The following UACA variants were observed in gnomAD, a reference collection of about 807,000 sequenced individuals.
The protein encoded by UACA is uveal autoantigen with coiled-coil domains and ankyrin repeats.
A neutral mutation model predicts 160.5 loss-of-function variants in UACA; 112 were observed. The observed-to-expected ratio is 0.70, with a 90% CI of 0.60 to 0.82. UACA has a LOEUF of 0.82. Ranked by LOEUF, UACA falls within the 40% of genes least tolerant of loss-of-function variation. The pLI, the probability that UACA is intolerant of heterozygous loss-of-function variation, is 0.00. For synonymous variants in UACA, 557 were observed against 568.4 expected, an observed-to-expected ratio of 0.98 and a Z score of 0.29; for missense variants, 1,574 against 1,614.6, an observed-to-expected ratio of 0.97 and a Z score of 0.43.
At chr15:70,755,245 C>T (rs1413059294) in intron 1 of UACA, among the ~76,000 whole-genome samples, 1 of 151,834 alleles carries the variant, frequency 6.6e-6, no homozygotes, top group Admixed American at 6.6e-5. Context: ...AAGGGAGAAG[C>T]AGAAAGATGA....
Position 70,699,378 on chromosome 15 carries a change from A to G in UACA, c.212+149T>C, listed in dbSNP as rs74021841. 2,305 of 834,298 alleles carry G rather than the reference A, an allele frequency of 2.8e-3. 45 individuals are homozygous for G. In the African/African-American group the frequency reaches 0.036, roughly 13 times the overall value. The allele number at this position is 834,298 out of a possible 1,614,324, so 51.7% of individuals were successfully genotyped here. ...CTGGAAATATTTTAAATTGAGAACA[A>G]TTATTAGTTTGTTTGAAAGATTTTA... On this transcript the variant is annotated intron_variant, in intron 2 of 18. Coordinates refer to ENST00000322954, the MANE Select transcript of UACA (RefSeq NM_018003.4).
In UACA at chr15:70,745,825, G is replaced by A. The variant is rs560105016; in HGVS notation, c.78+17505C>T. On this transcript the variant is annotated intron_variant, in intron 1 of 18. Coordinates refer to ENST00000322954, the MANE Select transcript of UACA (RefSeq NM_018003.4). ...TAACACCACACATCTACAACCATCT[G>A]ACCTTTGACAAACCTGACAAAAACA... 2.4e-4 allele frequency among the ~76,000 whole-genome samples: 6 copies of A among 25,154 alleles called. No individual in the cohort carries two copies. The East Asian group carries it at 4.1e-3, about 17-fold the overall frequency. 16.5% of individuals were successfully genotyped at this position (25,154 alleles called of 152,430 possible).
chr15:70,679,146 T>C lies in UACA; in HGVS notation c.891+462A>G, dbSNP rs1798472296. Among the ~76,000 whole-genome samples, 5 of 152,270 alleles carry C rather than the reference T, an allele frequency of 3.3e-5. No homozygotes were observed. The South Asian group carries it at 1.0e-3, about 32-fold the overall frequency. ...AGCCGGGTGTGGTGGCTCACGCTTG[T>C]AATCCCAACACTTTGGGAGGCTGAG... is the stretch of plus-strand genomic sequence containing the variant. On this transcript the variant is annotated intron_variant, in intron 10 of 18. Transcript: ENST00000322954.
chr15:70,713,073 A>C (rs920014483), intron 1 of UACA, among the ~76,000 whole-genome samples: 1 of 152,208 alleles, frequency 6.6e-6, no homozygotes, highest in African/African-American at 2.4e-5. Context: ...AGCCGGGCGC[A>C]GTGGCTCACG....
chr15:70,686,662 TA>T (rs1412943329), intron 7 of UACA, among the ~76,000 whole-genome samples: 1 of 152,044 alleles, frequency 6.6e-6, no homozygotes, highest in Non-Finnish European at 1.5e-5. Flanking sequence ...ATTACAGCTA[TA>T]AAATCTGACA....
chr15:70,739,301 T>C (rs1051067060), intron 1 of UACA, among the ~76,000 whole-genome samples: 1 of 152,174 alleles, frequency 6.6e-6, no homozygotes, highest in Non-Finnish European at 1.5e-5. Context: ...GTGAAGAGGT[T>C]GTCCTGCACA....
the UACA span, among the ~76,000 whole-genome samples, chr15:70,773,982 G>A: frequency 6.6e-6 from 1 of 152,094 alleles, no homozygotes; most frequent in Non-Finnish European, 1.5e-5. Flanking sequence ...ATGTTCCTAA[G>A]CTATAGAAGG....
intron 1 of UACA, among the ~76,000 whole-genome samples, chr15:70,729,217 C>A (rs979079008): frequency 1.3e-5 from 2 of 152,142 alleles, no homozygotes; most frequent in African/African-American, 4.8e-5. Flanking sequence ...AATCATTCCA[C>A]CCAAAAGACA....
chr15:70,729,649 C>G (rs138971927), intron 1 of UACA, among the ~76,000 whole-genome samples: 1 of 112,362 alleles, frequency 8.9e-6, no homozygotes, highest in Admixed American at 8.5e-5. Flanking sequence ...CAAGAAAAAG[C>G]TGTGGAGGGA....
At chr15:70,686,131 CT>C (rs748667477) in intron 7 of UACA, among the ~76,000 whole-genome samples, 2,485 of 138,982 alleles carry the variant, frequency 0.018, 36 homozygotes, top group African/African-American at 0.046. Flanking sequence ...TTAATCACAT[CT>C]TTTTTTTTTT....
intron 1 of UACA, among the ~76,000 whole-genome samples, chr15:70,724,970 T>C (rs1266234493): frequency 9.2e-5 from 14 of 151,842 alleles, no homozygotes; most frequent in Non-Finnish European, 2.1e-4. Flanking sequence ...AAGCACCTTG[T>C]AGTCCTAGCT....
Position 70,668,010 on chromosome 15 carries a change from C to G in UACA, c.2674G>C (p.Asp892His), listed in dbSNP as rs754528890. ...ELLDVKKKFE[D>H]INQEFVKIKD... ...ATTTTTACAAATTCCTGATTTATAT[C>G]TTCAAATTTTTTCTTCACATCTAAT... The change falls in exon 16 of 19, where the codon GAT (aspartate) becomes CAT (histidine). Residue 892 changes from aspartate to histidine, a missense_variant. Asp to His is a moderately conservative substitution (Grantham distance 81). Coordinates refer to ENST00000322954, the MANE Select transcript of UACA (RefSeq NM_018003.4). The G allele has an allele frequency of 1.2e-6, 2 of 1,603,438 alleles. No homozygotes were observed. The highest frequency in any genetic ancestry group is 8.5e-7 in the Non-Finnish European group (1 of 1,175,874).
chr15:70,688,350 G>C (rs1897804443), intron 5 of UACA, among the ~76,000 whole-genome samples: 1 of 152,046 alleles, frequency 6.6e-6, no homozygotes. Context: ...TAACACTATA[G>C]TTCATATTTA....
At chr15:70,680,637 C>T (rs963991488) in intron 9 of UACA, among the ~76,000 whole-genome samples, 3 of 152,176 alleles carry the variant, frequency 2.0e-5, no homozygotes, top group Admixed American at 2.0e-4. Context: ...CACAGCTCAC[C>T]TGATCATACC....
chr15:70,690,312 T>A, intron 5 of UACA, 142 bp downstream of exon 5: 1 of 785,532 alleles, frequency 1.3e-6, no homozygotes, highest in Non-Finnish European at 2.1e-6. Context: ...ATCTAATAAA[T>A]CTCTAATTTG....
rs764825647 is a variant in UACA at position 70,667,310 on chromosome 15, T to C, written c.3374A>G (p.Asn1125Ser). 1.2e-6 allele frequency: 2 copies of C among 1,611,212 alleles called. No homozygotes were observed. Among genetic ancestry groups the C allele is most frequent in the African/African-American group, 1.3e-5 (1 of 74,598 alleles). ...TTCCTTTAGATTTTCAATTGTGCCA[T>C]TAAGAGATTTTTTCAGAGCCTCAAC... is the stretch of plus-strand genomic sequence containing the variant. Reference protein sequence around the residue: ...EQVEALKKSLNGTIENLKEEL... With the variant: ...EQVEALKKSLSGTIENLKEEL... The change falls in exon 16 of 19, where the codon AAT becomes AGT. Residue 1125 changes from asparagine to serine, a missense_variant. Physicochemically the swap from Asn to Ser is conservative, Grantham distance 46. Transcript: ENST00000322954.
At chr15:70,750,128 C>G (rs2029954104) in intron 1 of UACA, among the ~76,000 whole-genome samples, 2 of 152,176 alleles carry the variant, frequency 1.3e-5, no homozygotes, top group South Asian at 4.1e-4. Flanking sequence ...CTCTCCATCC[C>G]TTCCAGCATT....
At chr15:70,662,388 C>T (rs936995294) in intron 17 of UACA, among the ~76,000 whole-genome samples, 2 of 151,980 alleles carry the variant, frequency 1.3e-5, no homozygotes, top group African/African-American at 4.8e-5. Context: ...GAGAACATTC[C>T]ATGCTCATGG....
In UACA at chr15:70,673,218, T is replaced by A. The variant is rs566638291; in HGVS notation, c.1132-1217A>T. On this transcript the variant is annotated intron_variant, in intron 13 of 18. Coordinates refer to ENST00000322954, the MANE Select transcript of UACA (RefSeq NM_018003.4). ...GAGCCCGGGGAGGTCAAGGCTACAG[T>A]GAGTGGTGATTGCACCACTGCACTC... Among the ~76,000 whole-genome samples, 649 of 152,220 alleles carry A rather than the reference T, an allele frequency of 4.3e-3. 7 individuals are homozygous for A. Among genetic ancestry groups the A allele is most frequent in the Non-Finnish European group, 6.8e-3 (461 of 67,994 alleles).
Sources: gnomAD v4.1 joint callset for allele counts (sites outside exome capture counted in the v4.1 genomes callset) on GRCh38, gnomAD v4.1.1 for gene constraint, MANE v1.5 for transcripts, NCBI Gene and HGNC (gene_info 2026-07-23, HGNC 2026-07-21) for gene names.